Variants in CCSER1 observed in about 807,000 individuals in gnomAD.
CCSER1 encodes the protein serine-rich coiled-coil domain-containing protein 1.
Under a neutral mutation model 82.0 loss-of-function variants are expected in CCSER1, and 41 were observed. That is an observed-to-expected ratio of 0.50 (90% confidence interval 0.39 to 0.65). The LOEUF (loss-of-function observed/expected upper bound fraction) is 0.65. Ranked by LOEUF, CCSER1 falls within the 30% of genes least tolerant of loss-of-function variation. The probability of loss-of-function intolerance (pLI) is 0.00; values close to 1 mark genes in which losing one functional copy is unlikely to be tolerated. For synonymous variants in CCSER1, 414 were observed against 383.9 expected, an observed-to-expected ratio of 1.08 and a Z score of -0.92; for missense variants, 1,119 against 1,064.2, an observed-to-expected ratio of 1.05 and a Z score of -0.72.
intron 9 of CCSER1, among the ~76,000 whole-genome samples, chr4:91,041,930 TGTTA>T (rs1403320427): frequency 6.6e-6 from 1 of 152,218 alleles, no homozygotes; most frequent in Non-Finnish European, 1.5e-5. Flanking sequence ...GAGGTCCACT[TGTTA>T]GTTCTTAGTT....
At chr4:91,431,872 T>A (rs965352759) in intron 10 of CCSER1, among the ~76,000 whole-genome samples, 3 of 150,476 alleles carry the variant, frequency 2.0e-5, no homozygotes, top group Admixed American at 6.6e-5. Context: ...GTTCACAGGT[T>A]TTTTTTTTCT....
At position 91,324,363 on chromosome 4, in the gene CCSER1, G is replaced by A. The variant is rs374284871; in HGVS notation, c.2217+238369G>A. Among the ~76,000 whole-genome samples, 70 of 152,190 alleles carry A rather than the reference G, an allele frequency of 4.6e-4. 1 individual carries two copies. In the East Asian group the frequency reaches 7.2e-3, roughly 16 times the overall value. Reference sequence around the variant, plus strand: ...ATGACTTAATTGCTAACTGTGCTCAGCAAAGTGTTTAGAAGAGAATTCTCG... The same window carrying A: ...ATGACTTAATTGCTAACTGTGCTCAACAAAGTGTTTAGAAGAGAATTCTCG... On this transcript the variant is annotated intron_variant, in intron 10 of 10. Transcript: ENST00000509176.
intron 10 of CCSER1, among the ~76,000 whole-genome samples, chr4:91,100,283 AG>A (rs929282764): frequency 2.0e-5 from 3 of 152,146 alleles, no homozygotes; most frequent in Non-Finnish European, 4.4e-5. Flanking sequence ...CTGTTTCAAA[AG>A]TTTGTTGAGA....
At chr4:90,441,844 A>G (rs931899570) in intron 4 of CCSER1, among the ~76,000 whole-genome samples, 1 of 152,374 alleles carries the variant, frequency 6.6e-6, no homozygotes, top group Non-Finnish European at 1.5e-5. Flanking sequence ...TGATATATCT[A>G]CAATTAAACT....
chr4:90,346,893 T>A (rs1742442108), intron 3 of CCSER1, among the ~76,000 whole-genome samples: 1 of 152,110 alleles, frequency 6.6e-6, no homozygotes, highest in Non-Finnish European at 1.5e-5. Flanking sequence ...CCCAGTAACC[T>A]TTTATTGAGG....
chr4:91,469,179 G>C (rs1252918429), intron 10 of CCSER1, among the ~76,000 whole-genome samples: 1 of 151,990 alleles, frequency 6.6e-6, no homozygotes, highest in Non-Finnish European at 1.5e-5. Flanking sequence ...TTTTTGACAA[G>C]CTGCTCATAT....
At chr4:90,290,870 G>A (rs1730799324) in intron 1 of CCSER1, among the ~76,000 whole-genome samples, 1 of 151,976 alleles carries the variant, frequency 6.6e-6, no homozygotes, top group African/African-American at 2.4e-5. Flanking sequence ...AATATTATAT[G>A]ATGTTATTGT....
At chr4:90,810,211 C>T (rs1758069864) in intron 7 of CCSER1, among the ~76,000 whole-genome samples, 1 of 152,156 alleles carries the variant, frequency 6.6e-6, no homozygotes, top group African/African-American at 2.4e-5. Flanking sequence ...ATCCTCCTTC[C>T]TTGGCCTCCC....
intron 7 of CCSER1, among the ~76,000 whole-genome samples, chr4:90,783,975 A>C (rs529069227): frequency 1.3e-5 from 2 of 152,288 alleles, no homozygotes; most frequent in East Asian, 3.9e-4. Context: ...ACTTACAAAA[A>C]AAAAGAAAAA....
chr4:90,808,569 TG>T (rs1319084303), intron 7 of CCSER1, among the ~76,000 whole-genome samples: 2 of 151,802 alleles, frequency 1.3e-5, no homozygotes, highest in Non-Finnish European at 2.9e-5. Context: ...CATCAAAAAG[TG>T]GGTAAATGAC....
chr4:90,730,130 G>C (rs62312975), intron 7 of CCSER1, among the ~76,000 whole-genome samples: 1 of 152,142 alleles, frequency 6.6e-6, no homozygotes, highest in South Asian at 2.1e-4. Context: ...AACATAGTGA[G>C]TAGTTTCGAT....
intron 5 of CCSER1, among the ~76,000 whole-genome samples, chr4:90,552,558 A>G (rs1777646515): frequency 6.6e-6 from 1 of 151,994 alleles, no homozygotes; most frequent in Non-Finnish European, 1.5e-5. Context: ...CCCGGGCTCA[A>G]GCGATTCTCC....
intron 9 of CCSER1, 177 bp downstream of exon 9, chr4:90,923,624 A>G (rs1728692480): frequency 3.9e-6 from 2 of 510,540 alleles, no homozygotes; most frequent in Middle Eastern, 2.8e-4. Context: ...AAAGATGATT[A>G]CAGGCACCAA....
chr4:90,325,850 A>G (rs112383694), intron 3 of CCSER1: 279 of 229,482 alleles, frequency 1.2e-3, no homozygotes, highest in African/African-American at 5.9e-3. Flanking sequence ...GAAATATAGT[A>G]CTACTGAAGA....
chr4:90,504,038 C>T (rs1429399544), intron 5 of CCSER1, among the ~76,000 whole-genome samples: 1 of 152,020 alleles, frequency 6.6e-6, no homozygotes, highest in Non-Finnish European at 1.5e-5. Flanking sequence ...TATTCATAAC[C>T]TTTGCATTTT....
At chr4:91,551,837 A>G (rs1282009062) in intron 10 of CCSER1, among the ~76,000 whole-genome samples, 2 of 151,678 alleles carry the variant, frequency 1.3e-5, no homozygotes, top group East Asian at 3.9e-4. Flanking sequence ...TTTTATTGAG[A>G]TTTTGTTCCT....
intron 1 of CCSER1, among the ~76,000 whole-genome samples, chr4:90,128,488 T>C (rs555088358): frequency 1.6e-5 from 2 of 122,260 alleles, no homozygotes; most frequent in South Asian, 5.6e-4. Context: ...GGCCCCAGGT[T>C]GTGTGCGTGT....
chr4:91,068,379 G>A (rs950161977), intron 9 of CCSER1, among the ~76,000 whole-genome samples: 3 of 152,014 alleles, frequency 2.0e-5, no homozygotes, highest in African/African-American at 4.8e-5. Context: ...TGTAAGCCAC[G>A]GTACATTTTC....
chr4:90,698,538 G>A (rs1031226487), intron 6 of CCSER1, among the ~76,000 whole-genome samples: 29 of 152,206 alleles, frequency 1.9e-4, no homozygotes, highest in African/African-American at 2.6e-4. Context: ...CATGCATTTC[G>A]TCATTCTTTC....
Sources: gnomAD v4.1 joint callset for allele counts (sites outside exome capture counted in the v4.1 genomes callset) on GRCh38, gnomAD v4.1.1 for gene constraint, MANE v1.5 for transcripts, NCBI Gene and HGNC (gene_info 2026-07-23, HGNC 2026-07-21) for gene names.